ACLY: variants seen among roughly 807,000 people sequenced by gnomAD.
ACLY encodes ATP citrate lyase.
Under a neutral mutation model 133.0 loss-of-function variants are expected in ACLY, and 41 were observed. That is an observed-to-expected ratio of 0.31 (90% CI 0.24 to 0.40). The LOEUF (loss-of-function observed/expected upper bound fraction) is 0.40, where lower values mean the gene tolerates loss of function less well. Ranked by LOEUF, ACLY falls within the 10% of genes least tolerant of loss-of-function variation. The probability of loss-of-function intolerance (pLI) is 1.00; values close to 1 mark genes in which losing one functional copy is unlikely to be tolerated. For missense variants in ACLY, 1,046 were observed against 1,453.8 expected (o/e 0.72, Z 4.56); for synonymous variants, 495 against 549.3 (o/e 0.90, Z 1.38).
Position 41,867,611 on chromosome 17 carries a change from A to G in ACLY, c.*199T>C. On this transcript the variant is annotated 3_prime_UTR_variant, in exon 29 of 29. Transcript: ENST00000352035. ...CTTGGTTTTTATTTCTATGCTTATA[A>G]AAAAAATATGAAGCTTCTTTGTGTG... 1 of 394,376 alleles carries G rather than the reference A, an allele frequency of 2.5e-6. No homozygotes were observed. 24.4% of individuals were successfully genotyped at this position (394,376 alleles called of 1,614,324 possible). A position where few individuals can be genotyped will look rare whatever the true frequency, so the allele number is the denominator to read the frequency against.
rs2049040123 is a variant in ACLY at position 41,886,103 on chromosome 17, G to A, written c.2072+9C>T. ...CAGGAAGCCCCTCCTTGGCTTCCCA[G>A]CTGATTACCTGTCCCCACCAATGGC... is the stretch of plus-strand genomic sequence containing the variant. On this transcript the variant is annotated intron_variant, in intron 18 of 28. Coordinates refer to ENST00000352035, the MANE Select transcript of ACLY (RefSeq NM_001096.3). The A allele has an allele frequency of 6.2e-7, 1 of 1,607,344 alleles. No homozygotes were observed. The highest frequency in any genetic ancestry group is 1.7e-5 in the Admixed American group (1 of 59,900).
intron 1 of ACLY, among the ~76,000 whole-genome samples, chr17:41,926,137 G>A (rs1396381954): frequency 6.6e-6 from 1 of 152,122 alleles, no homozygotes; most frequent in Non-Finnish European, 1.5e-5. Context: ...GAGCCACCAC[G>A]CCCGGCCAGA....
At chr17:41,913,675 C>T (rs781812416) in intron 2 of ACLY, 40 bp downstream of exon 2, 15 of 1,601,702 alleles carry the variant, frequency 9.4e-6, no homozygotes, top group South Asian at 4.4e-5. Flanking sequence ...CCTCAGACCC[C>T]GGGCCTGGAA....
At chr17:41,889,379 C>T (rs558270738) in intron 16 of ACLY, among the ~76,000 whole-genome samples, 68 of 151,204 alleles carry the variant, frequency 4.5e-4, no homozygotes, top group African/African-American at 1.6e-3. Context: ...ATTAGCTGGG[C>T]GTGGTGGCAG....
intron 14 of ACLY, among the ~76,000 whole-genome samples, chr17:41,894,288 A>G (rs2049299188): frequency 6.6e-6 from 1 of 150,808 alleles, no homozygotes; most frequent in African/African-American, 2.4e-5. Context: ...ACCAACACAC[A>G]ATCACTTGAA....
chr17:41,908,364 G>C (rs773907098), intron 6 of ACLY, among the ~76,000 whole-genome samples: 43 of 152,244 alleles, frequency 2.8e-4, no homozygotes, highest in Non-Finnish European at 5.6e-4. Context: ...GAGTGTACCA[G>C]GAGGAATGAA....
At chr17:41,902,827 C>A (rs2049578273) in intron 10 of ACLY, among the ~76,000 whole-genome samples, 1 of 152,166 alleles carries the variant, frequency 6.6e-6, no homozygotes, top group South Asian at 2.1e-4. Flanking sequence ...GGGTCTGGCC[C>A]CACATTTTAT....
chr17:41,881,158 G>A (rs1471535302), intron 20 of ACLY, among the ~76,000 whole-genome samples: 2 of 151,668 alleles, frequency 1.3e-5, no homozygotes, highest in Non-Finnish European at 1.5e-5. Context: ...GGCTGGGTGC[G>A]GTAACTCACG....
At chr17:41,909,151 A>C in intron 5 of ACLY, 83 bp from the exon 6 acceptor site, 3 of 1,016,002 alleles carry the variant, frequency 3.0e-6, no homozygotes, top group South Asian at 1.3e-5. Flanking sequence ...GCAATCTCTC[A>C]CTGCCACCGA....
intron 1 of ACLY, among the ~76,000 whole-genome samples, chr17:41,929,466 T>G (rs1466222356): frequency 2.0e-5 from 3 of 152,164 alleles, no homozygotes; most frequent in African/African-American, 4.8e-5. Flanking sequence ...TCTATGAACA[T>G]GTCTCTAACC....
intron 25 of ACLY, 123 bp from the exon 26 acceptor site, chr17:41,869,710 C>T (rs1183577158): frequency 5.5e-6 from 4 of 722,706 alleles, no homozygotes; most frequent in Admixed American, 2.3e-5. Flanking sequence ...ACCTGGCCCA[C>T]GTGTACCATT....
intron 18 of ACLY, among the ~76,000 whole-genome samples, chr17:41,885,658 C>T (rs1008331638): frequency 1.3e-5 from 2 of 152,180 alleles, no homozygotes; most frequent in Non-Finnish European, 2.9e-5. Context: ...TCATTTATTC[C>T]TCCAGTAGCC....
At chr17:41,874,200 A>C (rs4796726) in intron 22 of ACLY, among the ~76,000 whole-genome samples, 115,610 of 152,164 alleles carry the variant, frequency 0.76, 44,174 homozygotes, top group Admixed American at 0.85. Flanking sequence ...CATCAGCACT[A>C]TCAGCTCTAT....
intron 14 of ACLY, among the ~76,000 whole-genome samples, chr17:41,893,854 T>C (rs2049284717): frequency 6.6e-6 from 1 of 152,152 alleles, no homozygotes; most frequent in Admixed American, 6.5e-5. Context: ...CCTTCTCCCT[T>C]CTACCAGGTG....
chr17:41,887,127 G>GAAAAAAAAAA lies in ACLY; in HGVS notation c.1875+462_1875+471dup, dbSNP rs535668437. Reference sequence around the variant, plus strand: ...TAACAGGGCAAGACTCCGTCTCAAAGAAAAAAAAAAAAAAAAAAAAAAAAA... The same window carrying GAAAAAAAAAA: ...TAACAGGGCAAGACTCCGTCTCAAAGAAAAAAAAAAAAAAAAAAAAAAAAAAAAAAAAAAA... On this transcript the variant is annotated intron_variant, in intron 17 of 28. Coordinates refer to ENST00000352035, the MANE Select transcript of ACLY (RefSeq NM_001096.3). Among the ~76,000 whole-genome samples, 85 of 110,370 alleles carry GAAAAAAAAAA rather than the reference G, an allele frequency of 7.7e-4. 2 individuals carry two copies. The highest frequency in any genetic ancestry group is 3.0e-3 in the African/African-American group (75 of 25,000). 72.4% of individuals were successfully genotyped at this position (110,370 alleles called of 152,430 possible). A position where few individuals can be genotyped will look rare whatever the true frequency, so the allele number is the denominator to read the frequency against.
intron 16 of ACLY, among the ~76,000 whole-genome samples, chr17:41,889,377 G>A (rs782316441): frequency 6.6e-6 from 1 of 151,230 alleles, no homozygotes; most frequent in African/African-American, 2.4e-5. Flanking sequence ...AAATTAGCTG[G>A]GCGTGGTGGC....
intron 12 of ACLY, among the ~76,000 whole-genome samples, chr17:41,898,162 G>C (rs2049427035): frequency 6.6e-6 from 1 of 151,920 alleles, no homozygotes; most frequent in African/African-American, 2.4e-5. Context: ...CTCAGAGCTG[G>C]AGTGCAATGG....
chr17:41,902,996 C>T (rs1437808375), intron 10 of ACLY, among the ~76,000 whole-genome samples: 1 of 151,956 alleles, frequency 6.6e-6, no homozygotes, highest in Non-Finnish European at 1.5e-5. Flanking sequence ...ATTATGTTGC[C>T]CAGCCTTGTC....
intron 3 of ACLY, among the ~76,000 whole-genome samples, chr17:41,911,953 A>G (rs2049915239): frequency 6.6e-6 from 1 of 152,150 alleles, no homozygotes; most frequent in Admixed American, 6.5e-5. Context: ...CGTCTCTACT[A>G]AAAATACAAA....
Sources: allele counts gnomAD v4.1 joint callset (sites outside exome capture counted in the v4.1 genomes callset), GRCh38; gene constraint gnomAD v4.1.1; transcripts MANE v1.5; gene names NCBI Gene and HGNC (gene_info 2026-07-23, HGNC 2026-07-21).